EVC: variants seen among roughly 807,000 people sequenced by gnomAD.
The protein encoded by EVC is evC complex member EVC.
A neutral mutation model predicts 118.9 loss-of-function variants in EVC; 116 were observed. That is an observed-to-expected ratio of 0.98 (90% CI 0.84 to 1.14). EVC has a LOEUF of 1.14. EVC is among the 50% of genes most tolerant of loss of function. The pLI is 0.00. For synonymous variants in EVC, 619 were observed against 534.7 expected (o/e 1.16, Z -2.18); for missense variants, 1,401 against 1,246.4 (o/e 1.12, Z -1.87).
rs975113723 is a variant in EVC at position 5,729,454 on chromosome 4, G to T, written c.384+64G>T. Reference sequence around the variant, plus strand: ...TCCGTCATGTGCCAGAGATTGGGAGGAAAGTGGGGGGATTAACTGTGTGAT... The same window carrying T: ...TCCGTCATGTGCCAGAGATTGGGAGTAAAGTGGGGGGATTAACTGTGTGAT... On this transcript the variant is annotated intron_variant, in intron 3 of 20. Coordinates refer to ENST00000264956, the MANE Select transcript of EVC (RefSeq NM_153717.3). 1.4e-5 allele frequency: 20 copies of T among 1,443,566 alleles called. No individual in the cohort carries two copies. The Admixed American group carries it at 2.0e-4, about 15-fold the overall frequency. The allele number at this position is 1,443,566 out of a possible 1,614,324, so 89.4% of individuals were successfully genotyped here.
chr4:5,784,489 A>AGACCCATTTC (rs1560403539), intron 12 of EVC, among the ~76,000 whole-genome samples: 3 of 152,194 alleles, frequency 2.0e-5, no homozygotes, highest in Non-Finnish European at 1.5e-5. Context: ...TAACCCATTA[A>AGACCCATTTC]GACCCATTTC....
chr4:5,737,309 AGTG>A lies in EVC; in HGVS notation c.702+3875_702+3877del, dbSNP rs1430240471. 1.3e-5 allele frequency among the ~76,000 whole-genome samples: 2 copies of A among 152,380 alleles called. No homozygotes were observed. The highest frequency in any genetic ancestry group is 2.4e-5 in the African/African-American group (1 of 41,590). ...AGAAGCTGTCTCCAGAACAAACAAAAGTGCAAGGTGAAGCAGCAGCAAGTGCTG... is the reference window on the plus strand; with the variant it reads ...AGAAGCTGTCTCCAGAACAAACAAAACAAGGTGAAGCAGCAGCAAGTGCTG... On this transcript the variant is annotated intron_variant, in intron 5 of 20. Coordinates refer to ENST00000264956, the MANE Select transcript of EVC (RefSeq NM_153717.3). This position sits in a 1 kb window ranked among gnomAD's most constrained non-coding sequence, Gnocchi z 5.0.
chr4:5,713,899 A>T (rs1032195262), intron 1 of EVC, among the ~76,000 whole-genome samples: 8 of 151,074 alleles, frequency 5.3e-5, no homozygotes, highest in South Asian at 2.1e-4. Context: ...ATGAAACTCC[A>T]TCTAAAAAAT....
chr4:5,752,755 G>T, intron 8 of EVC, 81 bp from the exon 9 acceptor site: 1 of 1,402,408 alleles, frequency 7.1e-7, no homozygotes, highest in Non-Finnish European at 1.0e-6. Flanking sequence ...GACCCTGGTG[G>T]CTTCTTCTCA....
chr4:5,799,326 A>T (rs1714552415), intron 15 of EVC, among the ~76,000 whole-genome samples: 1 of 152,252 alleles, frequency 6.6e-6, no homozygotes, highest in Admixed American at 6.5e-5. Flanking sequence ...GATAACAGTG[A>T]GAAGTCACAT....
At chr4:5,817,929 A>T (rs1489172126), downstream of EVC, among the ~76,000 whole-genome samples, 1 of 152,320 alleles carries the variant, frequency 6.6e-6, no homozygotes. Context: ...GACCTTGCCC[A>T]TTCTGTCTCA....
At chr4:5,824,434 TGAATGGATA>T in the EVC span, 2 of 985,406 alleles carry the variant, frequency 2.0e-6, no homozygotes, top group Non-Finnish European at 2.4e-6. Flanking sequence ...AGACACTTCC[TGAATGGATA>T]AGAGGTTCTG....
chr4:5,746,386 G>A lies in EVC; in HGVS notation c.939+1045G>A, dbSNP rs74711137. Among the ~76,000 whole-genome samples the A allele has an allele frequency of 0.022, 3,377 of 152,270 alleles. 117 individuals are homozygous for A. The highest frequency in any genetic ancestry group is 0.076 in the African/African-American group (3,136 of 41,534). ...AAGCTGTGGTGGTCTACCATGGGGC[G>A]GCAGGTGGGGAGGAGGAGGGGGTCC... On this transcript the variant is annotated intron_variant, in intron 7 of 20. Transcript: ENST00000264956. This position sits in a 1 kb window ranked among gnomAD's most constrained non-coding sequence, Gnocchi z 5.8.
At chr4:5,827,985 G>A in the EVC span, 1 of 954,778 alleles carries the variant, frequency 1.0e-6, no homozygotes, top group Non-Finnish European at 1.2e-6. Context: ...GGAACGACAG[G>A]GCAGAAACGT....
intron 17 of EVC, 32 bp from the exon 18 acceptor site, chr4:5,808,169 C>G: frequency 3.1e-6 from 3 of 962,686 alleles, no homozygotes; most frequent in Non-Finnish European, 4.2e-6. Context: ...CTTCCTTCCT[C>G]CCTGCCAGCC....
chr4:5,720,477 T>C (rs760384578), intron 2 of EVC, among the ~76,000 whole-genome samples: 8 of 152,076 alleles, frequency 5.3e-5, no homozygotes, highest in Non-Finnish European at 7.3e-5. Context: ...ACCCAACTTC[T>C]AGCCTCTGCT....
intron 3 of EVC, among the ~76,000 whole-genome samples, chr4:5,730,689 C>T (rs532083077): frequency 2.1e-4 from 32 of 151,942 alleles, no homozygotes; most frequent in African/African-American, 7.5e-4. Flanking sequence ...GTATGGGGTC[C>T]AGGATCCACG....
At position 5,754,205 on chromosome 4, in the gene EVC, C is replaced by T. The variant is rs7667883; in HGVS notation, c.1464+272C>T. Among the ~76,000 whole-genome samples, 2,160 of 152,216 alleles carry T rather than the reference C, an allele frequency of 0.014. 53 individuals carry two copies. The highest frequency in any genetic ancestry group is 0.049 in the African/African-American group (2,024 of 41,518). The stretch of plus-strand genomic sequence containing the variant: ...CGTAGAGAGCTTGGCAGAGTGCAGA[C>T]GCATGGCAGGAGCACACAGATGGTG... On this transcript the variant is annotated intron_variant, in intron 10 of 20. Transcript: ENST00000264956. The surrounding 1 kb of genome is among the most constrained non-coding windows in gnomAD (Gnocchi z 5.8).
chr4:5,761,104 G>A (rs1484739960), intron 11 of EVC, among the ~76,000 whole-genome samples: 1 of 152,150 alleles, frequency 6.6e-6, no homozygotes, highest in Non-Finnish European at 1.5e-5. Flanking sequence ...TTGGGCCAGA[G>A]CCTGGACTGT....
the EVC span, chr4:5,824,483 C>CCT: frequency 1.7e-3 from 1,621 of 928,292 alleles, 1 homozygote; most frequent in Non-Finnish European, 1.8e-3. Flanking sequence ...CACACGTCAT[C>CCT]CTCTCTCTCT....
rs754316550 is a variant in EVC at position 5,753,924 on chromosome 4, G to C, written c.1455G>C (p.Lys485Asn). The C allele has an allele frequency of 1.2e-6, 2 of 1,613,098 alleles. No homozygotes were observed. Among genetic ancestry groups the C allele is most frequent in the Non-Finnish European group, 1.7e-6 (2 of 1,180,038 alleles). ...AEAQPTADPEKFLEAFHEVLE... is the reference protein window; with the variant it reads ...AEAQPTADPENFLEAFHEVLE... ...CCCAGCCGACTGCTGACCCGGAAAA[G>C]TTTCTCGAGGTGACTCACATCCCCA... is the stretch of plus-strand genomic sequence containing the variant. The change falls in exon 10 of 21, where the codon AAG becomes AAC. Residue 485 changes from lysine to asparagine, a missense_variant. Lys to Asn is a moderately conservative substitution (Grantham distance 94). Transcript: ENST00000264956.
chr4:5,720,645 C>T lies in EVC; in HGVS notation c.300+1272C>T, dbSNP rs1187129387. Among the ~76,000 whole-genome samples the T allele has an allele frequency of 2.0e-5, 3 of 152,210 alleles. No individual in the cohort carries two copies. The South Asian group carries it at 6.2e-4, about 31-fold the overall frequency. On this transcript the variant is annotated intron_variant, in intron 2 of 20. Transcript: ENST00000264956. ...AGCTTTTGCGTTAGCCCTGCATCTC[C>T]CTCCCTGGCTGGTGGGATCCCTGTA... is the stretch of plus-strand genomic sequence containing the variant.
the EVC span, chr4:5,821,641 C>T: frequency 4.7e-4 from 437 of 928,680 alleles, 1 homozygote; most frequent in African/African-American, 5.4e-3. This position sits in a 1 kb window ranked among gnomAD's most constrained non-coding sequence, Gnocchi z 4.4. Flanking sequence ...GAGCATCCTT[C>T]GACTTCCCCC....
chr4:5,811,030 A>G lies in EVC; in HGVS notation c.2972A>G (p.Asn991Ser), dbSNP rs765727621. ...NSKKMLKRRS[N>S]L is the part of the protein sequence containing the mutation. The stretch of plus-strand genomic sequence containing the variant: ...AAGAAGATGCTAAAGAGAAGAAGCA[A>G]CTTGTAGTTTAAGACCAGTCGGTGG... The change falls in exon 21 of 21, where the codon AAC (asparagine) becomes AGC (serine). Residue 991 changes from asparagine to serine, a missense_variant. Transcript: ENST00000264956. 1.2e-6 allele frequency: 2 copies of G among 1,611,202 alleles called. No homozygotes were observed. Among genetic ancestry groups the G allele is most frequent in the Non-Finnish European group, 1.7e-6 (2 of 1,178,430 alleles).
Sources: gnomAD v4.1 joint callset for allele counts (sites outside exome capture counted in the v4.1 genomes callset) on GRCh38, gnomAD v4.1.1 for gene constraint, Gnocchi (gnomAD v3.1) non-coding constraint, MANE v1.5 for transcripts, NCBI Gene and HGNC (gene_info 2026-07-23, HGNC 2026-07-21) for gene names.